The following WDR17 variants were observed in gnomAD, a reference collection of about 807,000 sequenced individuals.
WDR17 encodes WD repeat-containing protein 17.
In WDR17, 143 loss-of-function variants were observed where a neutral mutation model predicts 161.7. The ratio of observed to expected loss-of-function variants is 0.88; its 90% confidence interval spans 0.77 to 1.02. The LOEUF (loss-of-function observed/expected upper bound fraction) is 1.02, where lower values mean the gene tolerates loss of function less well. WDR17 is among the 50% of genes least tolerant of loss of function. The pLI is 0.00. For missense variants in WDR17, 1,469 were observed against 1,520.9 expected (o/e 0.97, Z 0.57); for synonymous variants, 517 against 515.6 (o/e 1.00, Z -0.04).
chr4:176,137,399 A>G, intron 8 of WDR17, 121 bp from the exon 9 acceptor site: 1 of 688,680 alleles, frequency 1.5e-6, no homozygotes, highest in East Asian at 2.9e-5. Context: ...AATTTCAATT[A>G]TAAAAAATTA....
At chr4:176,150,844 T>C (rs1359304415) in intron 16 of WDR17, among the ~76,000 whole-genome samples, 1 of 152,218 alleles carries the variant, frequency 6.6e-6, no homozygotes, top group East Asian at 1.9e-4. Context: ...CTTGAAATGC[T>C]TTATCTTTCC....
At chr4:176,077,098 G>A (rs1485523) in intron 1 of WDR17, among the ~76,000 whole-genome samples, 79,192 of 150,610 alleles carry the variant, frequency 0.53, 22,156 homozygotes, top group South Asian at 0.63. Flanking sequence ...ATATATTGCT[G>A]AAGAGCTACA....
chr4:176,106,158 G>A (rs1257217750), intron 1 of WDR17, among the ~76,000 whole-genome samples: 3 of 151,854 alleles, frequency 2.0e-5, no homozygotes, highest in African/African-American at 7.3e-5. Context: ...ACAAAACTGG[G>A]GGACTCGCAT....
chr4:176,109,449 G>A (rs1225812959), intron 1 of WDR17, among the ~76,000 whole-genome samples: 1 of 152,120 alleles, frequency 6.6e-6, no homozygotes, highest in African/African-American at 2.4e-5. Context: ...TGGTAGCCCT[G>A]TTTGTTTGTC....
intron 1 of WDR17, among the ~76,000 whole-genome samples, chr4:176,076,086 T>A (rs1316409906): frequency 6.6e-6 from 1 of 151,936 alleles, no homozygotes; most frequent in East Asian, 1.9e-4. Context: ...ATCTGTTTTT[T>A]TCCACTTGTA....
intron 10 of WDR17, among the ~76,000 whole-genome samples, chr4:176,140,725 T>A (rs989980781): frequency 1.3e-5 from 2 of 152,174 alleles, no homozygotes; most frequent in African/African-American, 2.4e-5. Context: ...TCATCCTCAC[T>A]TTTTAATTTC....
intron 1 of WDR17, among the ~76,000 whole-genome samples, chr4:176,079,846 G>A (rs370050305): frequency 6.6e-6 from 1 of 152,014 alleles, no homozygotes; most frequent in African/African-American, 2.4e-5. Flanking sequence ...CAAGGCGAGG[G>A]GGGGTGAGCA....
At chr4:176,174,492 T>G in intron 25 of WDR17, 125 bp from the exon 26 acceptor site, 1 of 588,762 alleles carries the variant, frequency 1.7e-6, no homozygotes, top group Non-Finnish European at 2.7e-6. Context: ...TTTAGAAAAT[T>G]TTCTAAACAT....
At chr4:176,095,389 C>T (rs1004753084) in intron 1 of WDR17, among the ~76,000 whole-genome samples, 2 of 152,042 alleles carry the variant, frequency 1.3e-5, no homozygotes, top group Admixed American at 6.6e-5. Context: ...GAACCTATTC[C>T]GAAGCATTAT....
At chr4:176,116,701 A>G (rs1740699488) in intron 3 of WDR17, among the ~76,000 whole-genome samples, 1 of 151,940 alleles carries the variant, frequency 6.6e-6, no homozygotes. Flanking sequence ...AAAACTGGAC[A>G]TGACAATCTC....
In WDR17 at chr4:176,179,627, T is replaced by G; in HGVS notation, c.*48T>G. The G allele has an allele frequency of 6.6e-7, 1 of 1,505,558 alleles. No homozygotes were observed. Among genetic ancestry groups the G allele is most frequent in the Non-Finnish European group, 8.9e-7 (1 of 1,125,430 alleles). 93.3% of individuals were successfully genotyped at this position (1,505,558 alleles called of 1,614,324 possible). A position where few individuals can be genotyped will look rare whatever the true frequency, so the allele number is the denominator to read the frequency against. ...GATTTTTTTTTTTAAAGAAAAACTT[T>G]CATGGGTTAGCATTACCTTAATCTT... is the stretch of plus-strand genomic sequence containing the variant. On this transcript the variant is annotated 3_prime_UTR_variant, in exon 29 of 29. Coordinates refer to ENST00000508596, the MANE Select transcript of WDR17 (RefSeq NM_181265.4).
intron 1 of WDR17, among the ~76,000 whole-genome samples, chr4:176,084,380 T>G (rs74510586): frequency 0.012 from 1,773 of 152,144 alleles, 19 homozygotes; most frequent in Non-Finnish European, 0.019. Flanking sequence ...CCAGCTTTCC[T>G]GGGAACTAGA....
Position 176,115,881 on chromosome 4 carries a change from A to G in WDR17, c.209A>G (p.His70Arg). Residue 70 changes from histidine (H) to arginine (R), a missense_variant, in exon 3 of 29, where the codon CAT becomes CGT. Transcript: ENST00000508596. ...KTITAISWCP[H>R]NPDLFASGST... Reference sequence around the variant, plus strand: ...ATCACAGCAATTTCTTGGTGTCCACATAATCCTGATCTGTTTGCAAGTGGC... The same window carrying G: ...ATCACAGCAATTTCTTGGTGTCCACGTAATCCTGATCTGTTTGCAAGTGGC... The G allele has an allele frequency of 6.2e-7, 1 of 1,611,812 alleles. No individual in the cohort carries two copies. The highest frequency in any genetic ancestry group is 1.7e-5 in the Admixed American group (1 of 59,854).
intron 4 of WDR17, 90 bp downstream of exon 4, chr4:176,120,187 C>G (rs1332364032): frequency 2.0e-6 from 2 of 977,830 alleles, no homozygotes; most frequent in African/African-American, 3.4e-5. Flanking sequence ...GACCAGTCCC[C>G]ATTGTGAATA....
chr4:176,149,753 A>C (rs1561182054), intron 13 of WDR17, 54 bp from the exon 14 acceptor site: 1 of 1,592,018 alleles, frequency 6.3e-7, no homozygotes, highest in Non-Finnish European at 8.5e-7. Flanking sequence ...ACATATAAAT[A>C]AAAAATATTT....
At chr4:176,074,066 A>G (rs566076731) in intron 1 of WDR17, among the ~76,000 whole-genome samples, 1 of 151,696 alleles carries the variant, frequency 6.6e-6, no homozygotes, top group East Asian at 1.9e-4. Flanking sequence ...GTTCACTCTG[A>G]TGGTAGTTTC....
At chr4:176,096,469 A>T (rs946114258) in intron 1 of WDR17, 6 of 1,468,204 alleles carry the variant, frequency 4.1e-6, no homozygotes, top group African/African-American at 1.4e-5. Flanking sequence ...TTAGGTGCTG[A>T]CTATTCTGAT....
intron 6 of WDR17, 76 bp downstream of exon 6, chr4:176,128,936 A>G: frequency 7.5e-7 from 1 of 1,325,504 alleles, no homozygotes; most frequent in Non-Finnish European, 1.0e-6. Context: ...GTATAGTGAG[A>G]TATCAAATAC....
chr4:176,131,006 A>G (rs1457329975), intron 6 of WDR17, among the ~76,000 whole-genome samples: 1 of 152,126 alleles, frequency 6.6e-6, no homozygotes, highest in African/African-American at 2.4e-5. Context: ...AAAAACAAAC[A>G]AAAAAACATC....
Sources: gnomAD v4.1 joint callset for allele counts (sites outside exome capture counted in the v4.1 genomes callset) on GRCh38, gnomAD v4.1.1 for gene constraint, MANE v1.5 for transcripts, NCBI Gene and HGNC (gene_info 2026-07-23, HGNC 2026-07-21) for gene names.